The following SMURF1 variants were observed in gnomAD, a reference collection of about 807,000 sequenced individuals.
SMURF1 encodes SMAD specific E3 ubiquitin protein ligase 1.
SMURF1 carries 44 observed loss-of-function variants against 98.0 expected under a neutral mutation model. The observed-to-expected ratio is 0.45, with a 90% CI of 0.35 to 0.58. The LOEUF is 0.58. SMURF1 is among the 20% of genes least tolerant of loss of function. The pLI, the probability that SMURF1 is intolerant of heterozygous loss-of-function variation, is 0.00. For missense variants in SMURF1, 687 were observed against 938.4 expected (o/e 0.73, Z 3.50); for synonymous variants, 396 against 374.9 (o/e 1.06, Z -0.65).
intron 13 of SMURF1, 75 bp downstream of exon 13, chr7:99,040,293 ACGCGCGCGCG>A (rs3033104): frequency 1.8e-4 from 220 of 1,240,872 alleles, no homozygotes; most frequent in Middle Eastern, 1.0e-3. Flanking sequence ...ATACACACAC[ACGCGCGCGCG>A]CGCGCACGCG....
At chr7:99,042,259 T>G (rs1795413326) in intron 11 of SMURF1, 27 bp from the exon 12 acceptor site, 1 of 1,491,262 alleles carries the variant, frequency 6.7e-7, no homozygotes, top group Admixed American at 1.9e-5. Context: ...AAAATGCATT[T>G]GAGACGCGCT....
At chr7:99,064,015 G>A (rs1354947340) in intron 1 of SMURF1, among the ~76,000 whole-genome samples, 1 of 152,138 alleles carries the variant, frequency 6.6e-6, no homozygotes, top group African/African-American at 2.4e-5. Context: ...TTTTCTACAT[G>A]TGTTGAGATG....
chr7:99,108,611 C>CAA (rs11458541), intron 1 of SMURF1, among the ~76,000 whole-genome samples: 1,977 of 58,138 alleles, frequency 0.034, 112 homozygotes, highest in East Asian at 0.048. Flanking sequence ...AACTCTGTCT[C>CAA]AAAAAAAAAA....
Position 99,047,860 on chromosome 7 carries a change from G to A in SMURF1, c.976C>T (p.Pro326Ser), listed in dbSNP as rs371448154. 1.6e-5 allele frequency: 26 copies of A among 1,613,812 alleles called. No homozygotes were observed. The highest frequency in any genetic ancestry group is 4.0e-5 in the African/African-American group (3 of 74,910). ...CTGGGCAGTGGCAGCGGCTGGCTGG[G>A]CTCCTTGAGTTGGCACTGGTGACTT... is the stretch of plus-strand genomic sequence containing the variant. Reference protein sequence around the residue: ...IMNHQCQLKEPSQPLPLPSEG... With the variant: ...IMNHQCQLKESSQPLPLPSEG... The change falls in exon 10 of 18, where the codon CCC becomes TCC. Residue 326 changes from proline to serine, a missense_variant. By Grantham distance (74) the Pro-to-Ser change is moderately conservative (BLOSUM62 -1). Coordinates refer to ENST00000361368, the MANE Select transcript of SMURF1 (RefSeq NM_181349.3).
Position 99,045,771 on chromosome 7 carries a change from G to A in SMURF1, c.1183C>T (p.Pro395Ser), listed in dbSNP as rs1331219937. ...ATCAGCCGTTTTTTCAAGTCTTTCGGTCGCATCTTCATTATCTGGCGGTAA... is the reference window on the plus strand; with the variant it reads ...ATCAGCCGTTTTTTCAAGTCTTTCGATCGCATCTTCATTATCTGGCGGTAA... ...ESYRQIMKMR[P>S]KDLKKRLMVK... The change falls in exon 11 of 18, where the codon CCG (proline) becomes TCG (serine). Residue 395 changes from proline (P) to serine (S), a missense_variant. Physicochemically the swap from Pro to Ser is moderately conservative, Grantham distance 74 (BLOSUM62 -1). This residue lies in a region of SMURF1 where 415 missense variants were observed against 508.4 expected (regional missense o/e 0.82). Coordinates refer to ENST00000361368, the MANE Select transcript of SMURF1 (RefSeq NM_181349.3). 1 of 1,614,136 alleles carries A rather than the reference G, an allele frequency of 6.2e-7. No individual in the cohort carries two copies. The highest frequency in any genetic ancestry group is 8.5e-7 in the Non-Finnish European group (1 of 1,180,004).
At chr7:99,051,600 C>T (rs912706404) in intron 7 of SMURF1, among the ~76,000 whole-genome samples, 159 bp from the exon 8 acceptor site, 1 of 152,162 alleles carries the variant, frequency 6.6e-6, no homozygotes, top group African/African-American at 2.4e-5. Context: ...ATCCCCTCTT[C>T]TCCATCTCGC....
At chr7:99,033,200 G>A in intron 16 of SMURF1, 79 bp from the exon 17 acceptor site, 1 of 1,417,838 alleles carries the variant, frequency 7.1e-7, no homozygotes, top group South Asian at 1.2e-5. Context: ...CCCAGGAGCA[G>A]GGCCCTGACC....
At chr7:99,135,380 G>T (rs1340991234) in intron 1 of SMURF1, among the ~76,000 whole-genome samples, 3 of 152,090 alleles carry the variant, frequency 2.0e-5, no homozygotes, top group Non-Finnish European at 4.4e-5. Flanking sequence ...GAGGAGAACA[G>T]GAGAATCTCT....
At chr7:99,138,392 T>G (rs897992755) in intron 1 of SMURF1, among the ~76,000 whole-genome samples, 7 of 151,950 alleles carry the variant, frequency 4.6e-5, no homozygotes, top group Non-Finnish European at 1.0e-4. Context: ...GAAACACTAT[T>G]TGTCGTTTTG....
At chr7:99,117,134 AG>A (rs1797475726) in intron 1 of SMURF1, among the ~76,000 whole-genome samples, 1 of 152,108 alleles carries the variant, frequency 6.6e-6, no homozygotes, top group South Asian at 2.1e-4. Flanking sequence ...CAAATGGTGC[AG>A]GAACAACTGG....
intron 1 of SMURF1, among the ~76,000 whole-genome samples, chr7:99,105,145 T>C (rs1252328447): frequency 6.6e-6 from 1 of 152,228 alleles, no homozygotes; most frequent in Non-Finnish European, 1.5e-5. Context: ...TGCACGTGAA[T>C]AAGCTACACA....
chr7:99,086,485 T>C (rs1796684391), intron 1 of SMURF1, among the ~76,000 whole-genome samples: 1 of 151,622 alleles, frequency 6.6e-6, no homozygotes, highest in Non-Finnish European at 1.5e-5. Flanking sequence ...GTGCCACCAC[T>C]TTGGAAAACA....
At chr7:99,077,332 TTTTTTTTTA>T (rs1472970500) in intron 1 of SMURF1, among the ~76,000 whole-genome samples, 3 of 145,548 alleles carry the variant, frequency 2.1e-5, no homozygotes, top group Non-Finnish European at 4.7e-5. Flanking sequence ...ATTTTTTTTA[TTTTTTTTTA>T]TTTTTTTTTT....
chr7:99,041,829 A>G (rs1253602359), intron 12 of SMURF1, among the ~76,000 whole-genome samples: 1 of 152,238 alleles, frequency 6.6e-6, no homozygotes, highest in East Asian at 1.9e-4. Context: ...AACACATACG[A>G]TCATCACACC....
At chr7:99,082,965 T>C (rs1796601895) in intron 1 of SMURF1, among the ~76,000 whole-genome samples, 1 of 152,232 alleles carries the variant, frequency 6.6e-6, no homozygotes, top group Non-Finnish European at 1.5e-5. Flanking sequence ...AATTTACTCC[T>C]ATTAATGCTT....
At chr7:99,048,044 A>G (rs1299278471) in intron 9 of SMURF1, 162 bp from the exon 10 acceptor site, 4 of 663,760 alleles carry the variant, frequency 6.0e-6, no homozygotes, top group South Asian at 1.8e-5. Flanking sequence ...AGCTGTGTCA[A>G]ACTTGCTGAT....
Position 99,047,908 on chromosome 7 carries a change from C to T in SMURF1, c.954-26G>A, listed in dbSNP as rs371509959. 6 of 1,608,776 alleles carry T rather than the reference C, an allele frequency of 3.7e-6. No individual in the cohort carries two copies. In the African/African-American group the frequency reaches 6.7e-5, roughly 18 times the overall value. ...CTTGAGAAGAAGAGATGCAGAAAGT[C>T]ACTCCGAAGCCCCGGCCAGGGGAGC... On this transcript the variant is annotated intron_variant, in intron 9 of 17. Coordinates refer to ENST00000361368, the MANE Select transcript of SMURF1 (RefSeq NM_181349.3).
rs373846083 is a variant in SMURF1 at position 99,052,407 on chromosome 7, G to A, written c.519C>T (p.Ser173=). ...AAGGGGCTGGTTCCTCCATGAAGCA[G>A]CTGAGCGGCCTCCCAGGCCCGGAGT... ...YEDSGPGRPL[S]CFMEEPAPYT... The change falls in exon 7 of 18, where the codon AGC becomes AGT. Residue 173 remains serine (S), a synonymous_variant. Transcript: ENST00000361368. The A allele has an allele frequency of 1.2e-5, 19 of 1,598,720 alleles. No individual in the cohort carries two copies. Among genetic ancestry groups the A allele is most frequent in the Middle Eastern group, 1.7e-4 (1 of 6,028 alleles).
intron 1 of SMURF1, among the ~76,000 whole-genome samples, chr7:99,069,126 G>A (rs1052011176): frequency 6.6e-6 from 1 of 152,222 alleles, no homozygotes; most frequent in East Asian, 1.9e-4. Context: ...AAAAAACGGT[G>A]ACAGAGCAGT....
Sources: gnomAD v4.1 joint callset for allele counts (sites outside exome capture counted in the v4.1 genomes callset) on GRCh38, gnomAD v4.1.1 for gene constraint, gnomAD v4.1.1 regional missense constraint, MANE v1.5 for transcripts, NCBI Gene and HGNC (gene_info 2026-07-23, HGNC 2026-07-21) for gene names.